LPIN1: variants seen among roughly 807,000 people sequenced by gnomAD.
LPIN1 encodes the protein phosphatidate phosphatase LPIN1.
A neutral mutation model predicts 107.5 loss-of-function variants in LPIN1; 71 were observed. The ratio of observed to expected loss-of-function variants is 0.66; its 90% CI spans 0.55 to 0.80. The LOEUF (loss-of-function observed/expected upper bound fraction) is 0.80, where lower values mean the gene tolerates loss of function less well. Ranked by LOEUF, LPIN1 falls within the 30% of genes least tolerant of loss-of-function variation. The pLI is 0.00. For synonymous variants in LPIN1, 445 were observed against 452.6 expected (o/e 0.98, Z 0.21); for missense variants, 1,043 against 1,160.6 (o/e 0.90, Z 1.47).
chr2:11,798,909 A>G (rs1439540196), intron 14 of LPIN1, among the ~76,000 whole-genome samples: 1 of 152,242 alleles, frequency 6.6e-6, no homozygotes, highest in South Asian at 2.1e-4. Flanking sequence ...AAAAACGTAC[A>G]CTGACAAGTG....
At chr2:11,815,021 G>A (rs1447479587) in intron 17 of LPIN1, 67 bp from the exon 18 acceptor site, 3 of 1,445,396 alleles carry the variant, frequency 2.1e-6, no homozygotes, top group South Asian at 1.2e-5. Context: ...ATATGGATCA[G>A]GATTTATGAA....
Position 11,783,796 on chromosome 2 carries a change from T to C in LPIN1, c.1265-33T>C. 3 of 1,553,968 alleles carry C rather than the reference T, an allele frequency of 1.9e-6. No homozygotes were observed. In the East Asian group the frequency reaches 6.7e-5, roughly 35 times the overall value. Reference sequence around the variant, plus strand: ...GGCCATGAGCTCATTTCTAGAAGAGTGGTTTTCTGACTTGAGCCATTTGCC... The same window carrying C: ...GGCCATGAGCTCATTTCTAGAAGAGCGGTTTTCTGACTTGAGCCATTTGCC... On this transcript the variant is annotated intron_variant, in intron 8 of 20. Transcript: ENST00000674199.
intron 1 of LPIN1, among the ~76,000 whole-genome samples, chr2:11,706,541 C>T (rs947455655): frequency 2.0e-5 from 3 of 152,156 alleles, no homozygotes; most frequent in African/African-American, 7.2e-5. Flanking sequence ...TTCAAACTGC[C>T]CTTGCTATCT....
intron 20 of LPIN1, among the ~76,000 whole-genome samples, chr2:11,822,880 TA>T (rs982518950): frequency 3.9e-5 from 6 of 152,204 alleles, no homozygotes; most frequent in African/African-American, 9.6e-5. Context: ...GCTCTAGGGT[TA>T]AAATGCACAC....
intron 1 of LPIN1, among the ~76,000 whole-genome samples, chr2:11,694,638 A>G (rs1437128517): frequency 6.6e-6 from 1 of 152,118 alleles, no homozygotes; most frequent in Non-Finnish European, 1.5e-5. Context: ...TCCTTGGTGT[A>G]CCCCCATCTG....
At chr2:11,734,983 C>T (rs1665637461) in intron 1 of LPIN1, among the ~76,000 whole-genome samples, 1 of 152,100 alleles carries the variant, frequency 6.6e-6, no homozygotes, top group Non-Finnish European at 1.5e-5. Context: ...GATGCAGAGA[C>T]CAGAAGGTTA....
chr2:11,819,573 A>G lies in LPIN1; in HGVS notation c.2492A>G (p.Tyr831Cys). The G allele has an allele frequency of 6.2e-7, 1 of 1,614,026 alleles. No homozygotes were observed. The highest frequency in any genetic ancestry group is 1.3e-5 in the African/African-American group (1 of 75,062). ...TTTTTCCCCAACACAGAACCCTTTT[A>G]TGCTGCTTTTGGAAACCGACCAGCT... ...NLFFPNTEPFYAAFGNRPADV... is the reference protein window; with the variant it reads ...NLFFPNTEPFCAAFGNRPADV... The change falls in exon 19 of 21, where the codon TAT (tyrosine) becomes TGT (cysteine). Residue 831 changes from tyrosine to cysteine, a missense_variant. Tyr to Cys is a radical substitution (Grantham distance 194, BLOSUM62 -2). Transcript: ENST00000674199.
At chr2:11,779,396 C>T in intron 6 of LPIN1, 123 bp from the exon 7 acceptor site, 6 of 1,064,658 alleles carry the variant, frequency 5.6e-6, no homozygotes, top group Non-Finnish European at 8.6e-6. Flanking sequence ...TCATGAGGCT[C>T]CGCTCAGAGC....
At chr2:11,759,155 T>TTC (rs1278911741) in intron 1 of LPIN1, among the ~76,000 whole-genome samples, 7 of 149,660 alleles carry the variant, frequency 4.7e-5, no homozygotes, top group Non-Finnish European at 1.0e-4. Flanking sequence ...CTTTCTTTCT[T>TTC]TCTTTCTTTC....
chr2:11,787,872 C>T (rs1439597560), intron 11 of LPIN1, among the ~76,000 whole-genome samples: 2 of 149,444 alleles, frequency 1.3e-5, no homozygotes, highest in Admixed American at 6.7e-5. Flanking sequence ...ACCTGGGAGT[C>T]GGAAGTTGCA....
chr2:11,762,334 G>A (rs540522446), intron 1 of LPIN1, among the ~76,000 whole-genome samples: 4 of 151,802 alleles, frequency 2.6e-5, no homozygotes, highest in South Asian at 4.2e-4. Flanking sequence ...CCTTTCTTTC[G>A]GGTTCTATGG....
Position 11,771,592 on chromosome 2 carries a change from A to T in LPIN1, c.509A>T (p.Asp170Val). ...RKSQLDSLKR[D>V]DNMNTSEDED... is the part of the protein sequence containing the mutation. Reference sequence around the variant, plus strand: ...TCACAGCTGGACAGCCTGAAGAGAGATGACAACATGAACACATCTGAGGAT... The same window carrying T: ...TCACAGCTGGACAGCCTGAAGAGAGTTGACAACATGAACACATCTGAGGAT... Residue 170 changes from aspartate (D) to valine (V), a missense_variant, in exon 4 of 21, where the codon GAT becomes GTT. Physicochemically the swap from Asp to Val is radical, Grantham distance 152. Transcript: ENST00000674199. This position sits in a 1 kb window ranked among gnomAD's most constrained non-coding sequence, Gnocchi z 4.8. 2 of 1,612,628 alleles carry T rather than the reference A, an allele frequency of 1.2e-6. No individual in the cohort carries two copies. The highest frequency in any genetic ancestry group is 1.7e-6 in the Non-Finnish European group (2 of 1,179,312).
chr2:11,745,679 T>C (rs1666828486), upstream of LPIN1, among the ~76,000 whole-genome samples: 2 of 152,246 alleles, frequency 1.3e-5, no homozygotes, highest in Admixed American at 1.3e-4. Context: ...CACTGCACTG[T>C]AGCTTGGGTG....
chr2:11,725,430 A>G (rs904818320), intron 1 of LPIN1, among the ~76,000 whole-genome samples: 5 of 152,200 alleles, frequency 3.3e-5, no homozygotes, highest in Non-Finnish European at 7.3e-5. Context: ...TAGAGGGATG[A>G]GAACAATAGG....
chr2:11,737,993 C>A (rs1665957249), intron 1 of LPIN1, among the ~76,000 whole-genome samples: 1 of 152,136 alleles, frequency 6.6e-6, no homozygotes, highest in Non-Finnish European at 1.5e-5. Context: ...ACCCAAATGC[C>A]CATCAATGAT....
intron 1 of LPIN1, among the ~76,000 whole-genome samples, chr2:11,692,580 A>T (rs1662327206): frequency 6.6e-6 from 1 of 152,232 alleles, no homozygotes; most frequent in Admixed American, 6.5e-5. Context: ...GTGCTTAGCA[A>T]ATAGTGCTTA....
chr2:11,750,628 A>G (rs866575588), intron 1 of LPIN1, among the ~76,000 whole-genome samples: 2 of 152,224 alleles, frequency 1.3e-5, no homozygotes, highest in African/African-American at 4.8e-5. Flanking sequence ...TTACTGCCTC[A>G]CAACAGTCCT....
At chr2:11,795,587 A>AG in intron 14 of LPIN1, 100 bp downstream of exon 14, 1 of 1,092,142 alleles carries the variant, frequency 9.2e-7, no homozygotes, top group Non-Finnish European at 1.4e-6. Flanking sequence ...ACACAGTTCC[A>AG]ACTCTGGCTC....
chr2:11,678,599 A>G (rs1357874595), intron 1 of LPIN1, among the ~76,000 whole-genome samples: 1 of 151,960 alleles, frequency 6.6e-6, no homozygotes, highest in Admixed American at 6.6e-5. Flanking sequence ...AGGCAGGCCA[A>G]CCTCCCGCTG....
Sources: gnomAD v4.1 joint callset for allele counts (sites outside exome capture counted in the v4.1 genomes callset) on GRCh38, gnomAD v4.1.1 for gene constraint, Gnocchi (gnomAD v3.1) non-coding constraint, MANE v1.5 for transcripts, NCBI Gene and HGNC (gene_info 2026-07-23, HGNC 2026-07-21) for gene names.